NRG3: variants seen among roughly 807,000 people sequenced by gnomAD.
NRG3 encodes neuregulin 3.
Under a neutral mutation model 66.9 loss-of-function variants are expected in NRG3, and 31 were observed. The ratio of observed to expected loss-of-function variants is 0.46; its 90% confidence interval spans 0.35 to 0.63. The LOEUF (loss-of-function observed/expected upper bound fraction) is 0.63, where lower values mean the gene tolerates loss of function less well. Ranked by LOEUF, NRG3 falls within the 20% of genes least tolerant of loss-of-function variation. The pLI is 0.00. For synonymous variants in NRG3, 393 were observed against 359.4 expected, an observed-to-expected ratio of 1.09 and a Z score of -1.06; for missense variants, 910 against 878.9, an observed-to-expected ratio of 1.04 and a Z score of -0.45.
chr10:82,827,841 C>T (rs20410), intron 3 of NRG3, among the ~76,000 whole-genome samples: 3,358 of 152,204 alleles, frequency 0.022, 57 homozygotes, highest in Middle Eastern at 0.034. Flanking sequence ...CCTTTTGTTG[C>T]GCTGAATTTA....
chr10:82,011,557 T>G (rs900401706), intron 1 of NRG3, among the ~76,000 whole-genome samples: 1 of 152,180 alleles, frequency 6.6e-6, no homozygotes, highest in Non-Finnish European at 1.5e-5. Context: ...CAAAGTCTCA[T>G]TTGAGACAAG....
chr10:82,127,690 C>T (rs1321882698), intron 1 of NRG3, among the ~76,000 whole-genome samples: 2 of 151,950 alleles, frequency 1.3e-5, no homozygotes, highest in Admixed American at 1.3e-4. Context: ...GTGGCATCAG[C>T]CTATCCTAGC....
chr10:82,873,909 A>AT (rs1476507348), intron 4 of NRG3, among the ~76,000 whole-genome samples: 1 of 151,978 alleles, frequency 6.6e-6, no homozygotes, highest in Non-Finnish European at 1.5e-5. Flanking sequence ...TTCTGGTGTA[A>AT]TTTTTTAAAT....
At chr10:82,275,499 A>G (rs1244445233) in intron 1 of NRG3, among the ~76,000 whole-genome samples, 1 of 152,018 alleles carries the variant, frequency 6.6e-6, no homozygotes, top group African/African-American at 2.4e-5. Context: ...TTCAAAGCAA[A>G]AGGCCAGTGA....
chr10:82,382,140 A>G (rs1473090200), intron 2 of NRG3, among the ~76,000 whole-genome samples: 2 of 152,068 alleles, frequency 1.3e-5, no homozygotes, highest in East Asian at 3.8e-4. Context: ...CCTTTATAGA[A>G]ATACAATTTT....
intron 1 of NRG3, among the ~76,000 whole-genome samples, chr10:81,885,498 C>T (rs1013755998): frequency 3.9e-5 from 6 of 152,166 alleles, no homozygotes; most frequent in Middle Eastern, 3.4e-3. Flanking sequence ...GATATTCTGC[C>T]GGGGGTACTA....
At chr10:82,851,082 T>A (rs1433762755) in intron 3 of NRG3, among the ~76,000 whole-genome samples, 2 of 152,248 alleles carry the variant, frequency 1.3e-5, no homozygotes, top group Non-Finnish European at 2.9e-5. Flanking sequence ...AGTTAAGTCA[T>A]GTAAAGTAAA....
intron 1 of NRG3, among the ~76,000 whole-genome samples, chr10:82,072,885 G>A (rs1325048144): frequency 2.0e-5 from 3 of 152,030 alleles, no homozygotes; most frequent in African/African-American, 7.2e-5. Flanking sequence ...TTCCTCCTCA[G>A]CCTTCTGAGT....
intron 3 of NRG3, among the ~76,000 whole-genome samples, chr10:82,762,994 TAA>T (rs1265816307): frequency 1.3e-5 from 2 of 152,194 alleles, no homozygotes; most frequent in Non-Finnish European, 2.9e-5. Context: ...TTGATTTGTA[TAA>T]AGAGTTATTG....
intron 1 of NRG3, among the ~76,000 whole-genome samples, chr10:82,296,174 G>T (rs563027737): frequency 6.6e-6 from 1 of 152,148 alleles, no homozygotes; most frequent in Non-Finnish European, 1.5e-5. Flanking sequence ...TTTGAGAGGG[G>T]TGTGGTAAAT....
At position 82,142,864 on chromosome 10, in the gene NRG3, C is replaced by T. The variant is rs1282401934; in HGVS notation, c.824-215875C>T. ...TGGCTCACTGCAGCCTCAACCTTCTCCCACCTCAGCCTCCCAAGTAGCTGA... is the reference window on the plus strand; with the variant it reads ...TGGCTCACTGCAGCCTCAACCTTCTTCCACCTCAGCCTCCCAAGTAGCTGA... On this transcript the variant is annotated intron_variant, in intron 1 of 8. Coordinates refer to ENST00000372141, the MANE Select transcript of NRG3 (RefSeq NM_001010848.4). Among the ~76,000 whole-genome samples, 5 of 148,844 alleles carry T rather than the reference C, an allele frequency of 3.4e-5. No homozygotes were observed. In the East Asian group the frequency reaches 8.0e-4, roughly 24 times the overall value.
chr10:82,562,350 C>T (rs2045108211), intron 2 of NRG3, among the ~76,000 whole-genome samples: 2 of 152,176 alleles, frequency 1.3e-5, no homozygotes, highest in Non-Finnish European at 2.9e-5. Flanking sequence ...AGAGAACTCA[C>T]TGTCAGCTGC....
intron 2 of NRG3, among the ~76,000 whole-genome samples, chr10:82,729,031 C>G (rs1565249221): frequency 6.6e-6 from 1 of 151,954 alleles, no homozygotes; most frequent in South Asian, 2.1e-4. Flanking sequence ...AGAGCATGTA[C>G]TAAATCAAGA....
intron 1 of NRG3, among the ~76,000 whole-genome samples, chr10:82,133,319 C>T (rs991166488): frequency 6.6e-6 from 1 of 152,028 alleles, no homozygotes; most frequent in Non-Finnish European, 1.5e-5. Context: ...TACATAAACT[C>T]ATGACACAGG....
chr10:82,139,408 T>C (rs1337637033), intron 1 of NRG3, among the ~76,000 whole-genome samples: 2 of 152,198 alleles, frequency 1.3e-5, no homozygotes, highest in Non-Finnish European at 2.9e-5. Context: ...AATGCCATTA[T>C]ACCACGTGAA....
At chr10:82,496,868 TAA>T (rs1406803868) in intron 2 of NRG3, among the ~76,000 whole-genome samples, 1 of 152,224 alleles carries the variant, frequency 6.6e-6, no homozygotes, top group Non-Finnish European at 1.5e-5. Flanking sequence ...TTGAATCTTT[TAA>T]AAAGTGTTTT....
intron 1 of NRG3, among the ~76,000 whole-genome samples, chr10:81,978,623 G>C (rs905990456): frequency 6.6e-6 from 1 of 151,994 alleles, no homozygotes; most frequent in Non-Finnish European, 1.5e-5. Flanking sequence ...ACAAATAATA[G>C]GAAGATAAAG....
intron 2 of NRG3, among the ~76,000 whole-genome samples, chr10:82,711,738 T>G (rs1467213175): frequency 2.0e-5 from 3 of 152,188 alleles, no homozygotes; most frequent in Admixed American, 6.5e-5. Flanking sequence ...ATTGGTCTGT[T>G]TATCATATGA....
At chr10:82,653,767 G>A (rs1056867887) in intron 2 of NRG3, among the ~76,000 whole-genome samples, 15 of 152,184 alleles carry the variant, frequency 9.9e-5, no homozygotes, top group Admixed American at 6.5e-4. Context: ...TAGCTGCAAG[G>A]AATAAATAAA....
Sources: allele counts gnomAD v4.1 joint callset (sites outside exome capture counted in the v4.1 genomes callset), GRCh38; gene constraint gnomAD v4.1.1; transcripts MANE v1.5; gene names NCBI Gene and HGNC (gene_info 2026-07-23, HGNC 2026-07-21).